PDE4DIP: variants seen among roughly 807,000 people sequenced by gnomAD.
PDE4DIP encodes myomegalin.
Under a neutral mutation model 221.4 loss-of-function variants are expected in PDE4DIP, and 59 were observed. The observed-to-expected ratio is 0.27, with a 90% CI of 0.22 to 0.33. The LOEUF (loss-of-function observed/expected upper bound fraction) is 0.33, where lower values mean the gene tolerates loss of function less well. Among genes scored for constraint, PDE4DIP ranks in the 10% least tolerant of loss-of-function variants. PDE4DIP has a pLI of 1.00. For missense variants in PDE4DIP, 1,036 were observed against 2,154.2 expected, an observed-to-expected ratio of 0.48 and a Z score of 10.28; for synonymous variants, 404 against 815.9, an observed-to-expected ratio of 0.50 and a Z score of 8.60.
At chr1:148,963,006 C>T (rs2057302240) in intron 9 of PDE4DIP, among the ~76,000 whole-genome samples, 1 of 152,160 alleles carries the variant, frequency 6.6e-6, no homozygotes, top group Non-Finnish European at 1.5e-5. Flanking sequence ...CATTCTCCCA[C>T]TTCAGCCTCC....
chr1:149,011,202 T>A (rs868927960), intron 31 of PDE4DIP, among the ~76,000 whole-genome samples: 22 of 135,878 alleles, frequency 1.6e-4, no homozygotes, highest in African/African-American at 6.3e-4. Context: ...CACAGCCCTG[T>A]ACCAGGGATG....
chr1:149,016,113 C>A (rs1389996939), intron 32 of PDE4DIP, among the ~76,000 whole-genome samples, 186 bp from the exon 36 acceptor site: 2 of 141,890 alleles, frequency 1.4e-5, no homozygotes, highest in African/African-American at 5.3e-5. Flanking sequence ...CTAGGAAATA[C>A]AAAGGGTGAG....
intron 1 of PDE4DIP, among the ~76,000 whole-genome samples, chr1:148,815,277 A>G (rs1185859758): frequency 7.9e-5 from 11 of 139,392 alleles, no homozygotes; most frequent in Admixed American, 7.8e-4. Flanking sequence ...TAGTCCAGTC[A>G]CAGTGGCTCA....
chr1:149,022,120 T>A (rs1331313839), intron 37 of PDE4DIP, among the ~76,000 whole-genome samples: 2 of 149,044 alleles, frequency 1.3e-5, no homozygotes, highest in Non-Finnish European at 3.0e-5. Flanking sequence ...TAGAAACATG[T>A]TCACACAAGT....
chr1:148,941,015 GACA>G (rs1553479389), intron 5 of PDE4DIP, among the ~76,000 whole-genome samples: 2 of 116,334 alleles, frequency 1.7e-5, no homozygotes, highest in African/African-American at 6.7e-5. Flanking sequence ...TTATCATCGT[GACA>G]ACATCAAAAA....
At chr1:148,979,200 C>T (rs778306007) in intron 19 of PDE4DIP, among the ~76,000 whole-genome samples, 1 of 152,202 alleles carries the variant, frequency 6.6e-6, no homozygotes, top group Non-Finnish European at 1.5e-5. Context: ...CACCCCACTG[C>T]ATTCTGGCTT....
At chr1:148,965,391 C>T in intron 9 of PDE4DIP, 93 bp from the exon 13 acceptor site, 11 of 778,614 alleles carry the variant, frequency 1.4e-5, no homozygotes, top group Non-Finnish European at 1.9e-5. Flanking sequence ...GCTCCTCTTT[C>T]AGTTTATATA....
intron 43 of PDE4DIP, chr1:149,030,553 T>C (rs2076451459): frequency 1.1e-6 from 1 of 874,652 alleles, no homozygotes; most frequent in Non-Finnish European, 1.4e-6. Flanking sequence ...TGAGGCCAAG[T>C]TCAGAGACTG....
At chr1:149,004,141 T>C (rs587699306) in intron 26 of PDE4DIP, among the ~76,000 whole-genome samples, 96 of 152,032 alleles carry the variant, frequency 6.3e-4, no homozygotes, top group African/African-American at 2.2e-3. Context: ...GTGTGGCAGT[T>C]AAGAGACAAG....
At position 148,892,313 on chromosome 1, in the gene PDE4DIP, A is replaced by T. The variant is rs376470559; in HGVS notation, c.141+2419A>T. On this transcript the variant is annotated intron_variant, in intron 1 of 43. Coordinates refer to ENST00000369354, the Ensembl canonical transcript of PDE4DIP. The stretch of plus-strand genomic sequence containing the variant: ...CCCCACCAGGATTTTTTTTTTTTTT[A>T]AAGCTGAATCAGATGGCTGTCTGGA... Among the ~76,000 whole-genome samples, 5 of 120,568 alleles carry T rather than the reference A, an allele frequency of 4.1e-5. 1 individual carries two copies. The highest frequency in any genetic ancestry group is 6.2e-4 in the South Asian group (2 of 3,240). 79.1% of individuals were successfully genotyped at this position (120,568 alleles called of 152,430 possible). A position where few individuals can be genotyped will look rare whatever the true frequency, so the allele number is the denominator to read the frequency against.
intron 21 of PDE4DIP, chr1:148,983,598 T>G (rs1300069618): frequency 6.6e-6 from 1 of 152,486 alleles, no homozygotes; most frequent in Non-Finnish European, 1.5e-5. Context: ...TCTGATAAAT[T>G]TTATAATCCA....
chr1:148,978,642 G>T lies in PDE4DIP; in HGVS notation c.2574+227G>T, dbSNP rs1373168909. Among the ~76,000 whole-genome samples the T allele has an allele frequency of 3.9e-5, 6 of 152,024 alleles. No homozygotes were observed. The South Asian group carries it at 1.2e-3, about 32-fold the overall frequency. On this transcript the variant is annotated intron_variant, in intron 19 of 43. Coordinates refer to ENST00000369354, the Ensembl canonical transcript of PDE4DIP. The stretch of plus-strand genomic sequence containing the variant: ...GTGTCACCCAGGCAGGAGTGCAGTG[G>T]TATGATCACAGCTCACTGCAGCCTC...
Position 148,937,137 on chromosome 1 carries a change from T to C in PDE4DIP, c.519-610T>C, listed in dbSNP as rs1462426726. Among the ~76,000 whole-genome samples the C allele has an allele frequency of 1.1e-4, 17 of 152,188 alleles. 1 individual carries two copies. Among genetic ancestry groups the C allele is most frequent in the Non-Finnish European group, 7.3e-5 (5 of 68,040 alleles). ...AAGTGAGAAATACATTGCACTATGA[T>C]GTTACTGCAGCTAGGACTTTACTAG... is the stretch of plus-strand genomic sequence containing the variant. On this transcript the variant is annotated intron_variant, in intron 4 of 43. Coordinates refer to ENST00000369354, the Ensembl canonical transcript of PDE4DIP.
At chr1:148,962,380 G>A in intron 8 of PDE4DIP, 48 bp from the exon 12 acceptor site, 4 of 1,360,440 alleles carry the variant, frequency 2.9e-6, no homozygotes, top group Non-Finnish European at 4.2e-6. Flanking sequence ...CTTTGTGGGA[G>A]CTCAGTGCTT....
chr1:148,960,638 T>G lies in PDE4DIP; in HGVS notation c.637-16T>G. The G allele has an allele frequency of 2.5e-6, 1 of 393,460 alleles. No homozygotes were observed. Among genetic ancestry groups the G allele is most frequent in the South Asian group, 7.5e-5 (1 of 13,322 alleles). The allele number at this position is 393,460 out of a possible 1,614,324, so 24.4% of individuals were successfully genotyped here. ...CATGTTTAACTCACCTTACTCGTTT[T>G]GCCGTTTCTTCCTAGCCCATGACTG... is the stretch of plus-strand genomic sequence containing the variant. On this transcript the variant is annotated splice_polypyrimidine_tract_variant and intron_variant, in intron 5 of 43. Coordinates refer to ENST00000369354, the Ensembl canonical transcript of PDE4DIP.
intron 41 of PDE4DIP, among the ~76,000 whole-genome samples, chr1:149,029,465 T>C (rs1419465691): frequency 5.7e-4 from 86 of 151,948 alleles, no homozygotes; most frequent in African/African-American, 2.0e-3. Flanking sequence ...GAAGGGAGAG[T>C]GACAGAACTG....
chr1:148,973,651 A>G (rs1463432953), intron 16 of PDE4DIP, among the ~76,000 whole-genome samples: 9 of 151,930 alleles, frequency 5.9e-5, no homozygotes, highest in Non-Finnish European at 1.2e-4. Context: ...GAATACTATA[A>G]TATGCAAAAG....
chr1:148,990,559 C>A (rs2062829260), intron 21 of PDE4DIP, among the ~76,000 whole-genome samples: 1 of 151,640 alleles, frequency 6.6e-6, no homozygotes, highest in South Asian at 2.1e-4. Context: ...GTCTAAGAGT[C>A]CAGAGTCTTG....
chr1:149,000,197 A>T (rs1228073832), intron 23 of PDE4DIP, among the ~76,000 whole-genome samples: 3 of 152,144 alleles, frequency 2.0e-5, no homozygotes, highest in African/African-American at 4.8e-5. Context: ...TGATCCTTCA[A>T]GTTGTGAATT....
Sources: allele counts gnomAD v4.1 joint callset (sites outside exome capture counted in the v4.1 genomes callset), GRCh38; gene constraint gnomAD v4.1.1; transcripts MANE v1.5; gene names NCBI Gene and HGNC (gene_info 2026-07-23, HGNC 2026-07-21).